Variants in TTLL5 observed in about 807,000 individuals in gnomAD.
TTLL5 encodes tubulin tyrosine ligase like 5, also known as tubulin polyglutamylase TTLL5.
A neutral mutation model predicts 168.4 loss-of-function variants in TTLL5; 132 were observed. That is an observed-to-expected ratio of 0.78 (90% CI 0.68 to 0.91). The LOEUF (loss-of-function observed/expected upper bound fraction) is 0.91, where lower values mean the gene tolerates loss of function less well. TTLL5 is among the 40% of genes least tolerant of loss of function. TTLL5 has a pLI of 0.00. For missense variants in TTLL5, 1,545 were observed against 1,581.5 expected (o/e 0.98, Z 0.39); for synonymous variants, 546 against 558.6 (o/e 0.98, Z 0.32).
chr14:75,891,108 C>G (rs979292525), intron 30 of TTLL5, among the ~76,000 whole-genome samples: 5 of 152,164 alleles, frequency 3.3e-5, no homozygotes, highest in African/African-American at 1.2e-4. Context: ...TGCAATATGA[C>G]CTCTCTCCTG....
intron 26 of TTLL5, among the ~76,000 whole-genome samples, chr14:75,785,294 C>T (rs1176652185): frequency 6.6e-6 from 1 of 151,632 alleles, no homozygotes; most frequent in African/African-American, 2.4e-5. Context: ...ATTCTCTTGC[C>T]TCAGCCTCCC....
At chr14:75,860,018 G>T (rs570825247) in intron 28 of TTLL5, among the ~76,000 whole-genome samples, 1 of 152,296 alleles carries the variant, frequency 6.6e-6, no homozygotes, top group East Asian at 1.9e-4. Context: ...CTGCCTCTTT[G>T]CTAAAAGCCT....
At chr14:75,791,506 T>C (rs1351867635) in intron 26 of TTLL5, among the ~76,000 whole-genome samples, 4 of 152,208 alleles carry the variant, frequency 2.6e-5, no homozygotes, top group African/African-American at 9.7e-5. Flanking sequence ...TCTGGTATTT[T>C]GTTTGTATAT....
chr14:75,777,312 A>G (rs1483246073), intron 23 of TTLL5, among the ~76,000 whole-genome samples: 1 of 152,162 alleles, frequency 6.6e-6, no homozygotes, highest in Non-Finnish European at 1.5e-5. Flanking sequence ...CTGGGTCTGA[A>G]TTTGTCCCTG....
intron 31 of TTLL5, among the ~76,000 whole-genome samples, chr14:75,927,004 G>C (rs1372765159): frequency 6.6e-6 from 1 of 152,220 alleles, no homozygotes; most frequent in African/African-American, 2.4e-5. Flanking sequence ...GAGAAATGGG[G>C]AGTGACTGCT....
intron 13 of TTLL5, among the ~76,000 whole-genome samples, chr14:75,733,445 A>G (rs1488095050): frequency 2.6e-5 from 4 of 151,826 alleles, no homozygotes; most frequent in East Asian, 1.9e-4. Flanking sequence ...AGATTTTGGT[A>G]TAACTTGTAT....
At chr14:75,742,030 A>G (rs1209876972) in intron 15 of TTLL5, among the ~76,000 whole-genome samples, 1 of 152,236 alleles carries the variant, frequency 6.6e-6, no homozygotes, top group African/African-American at 2.4e-5. Flanking sequence ...GGAAGTTCTC[A>G]TTAGATGTCA....
At position 75,670,579 on chromosome 14, in the gene TTLL5, T is replaced by G. The variant is rs184967444; in HGVS notation, c.181+1057T>G. Reference sequence around the variant, plus strand: ...AGTTTCTCCACATCCTCACTAACATTTGATATTTTCTGTTTCTTAGATCAT... The same window carrying G: ...AGTTTCTCCACATCCTCACTAACATGTGATATTTTCTGTTTCTTAGATCAT... On this transcript the variant is annotated intron_variant, in intron 3 of 31. Coordinates refer to ENST00000298832, the MANE Select transcript of TTLL5 (RefSeq NM_015072.5). 4.4e-3 allele frequency among the ~76,000 whole-genome samples: 673 copies of G among 152,332 alleles called. 4 individuals are homozygous for G. Among genetic ancestry groups the G allele is most frequent in the African/African-American group, 0.015 (622 of 41,582 alleles).
intron 18 of TTLL5, among the ~76,000 whole-genome samples, chr14:75,762,125 G>T (rs1241682594): frequency 6.6e-6 from 1 of 152,128 alleles, no homozygotes; most frequent in East Asian, 1.9e-4. Context: ...GCTGGGCGTG[G>T]TGGCTCACAC....
rs539763354 is a variant in TTLL5, at chr14:75,901,113, A to G, written c.3741-1029A>G. Among the ~76,000 whole-genome samples, 218 of 152,358 alleles carry G rather than the reference A, an allele frequency of 1.4e-3. 1 individual carries two copies. Among genetic ancestry groups the G allele is most frequent in the Non-Finnish European group, 1.7e-3 (113 of 68,038 alleles). On this transcript the variant is annotated intron_variant, in intron 30 of 31. Coordinates refer to ENST00000298832, the MANE Select transcript of TTLL5 (RefSeq NM_015072.5). ...TACACATCAACTAAAATCAAGGCAGATAGACCCAACAAAAATATTATATTA... is the reference window on the plus strand; with the variant it reads ...TACACATCAACTAAAATCAAGGCAGGTAGACCCAACAAAAATATTATATTA...
intron 27 of TTLL5, among the ~76,000 whole-genome samples, chr14:75,817,358 A>T (rs956298452): frequency 6.6e-6 from 1 of 152,148 alleles, no homozygotes; most frequent in Non-Finnish European, 1.5e-5. Context: ...TAAGTCATAT[A>T]TGGCCGGTGA....
At chr14:75,773,923 TA>T (rs1234051964) in intron 21 of TTLL5, among the ~76,000 whole-genome samples, 1 of 27,730 alleles carries the variant, frequency 3.6e-5, no homozygotes, top group Admixed American at 6.2e-4. Flanking sequence ...TATATATATA[TA>T]TATAGAGAGA....
intron 31 of TTLL5, among the ~76,000 whole-genome samples, chr14:75,927,842 C>G (rs1027679157): frequency 6.6e-6 from 1 of 152,180 alleles, no homozygotes; most frequent in African/African-American, 2.4e-5. Flanking sequence ...CAGCCTTAAG[C>G]TTCACCTCAT....
intron 26 of TTLL5, among the ~76,000 whole-genome samples, chr14:75,785,839 T>G (rs1451256570): frequency 6.6e-6 from 1 of 152,190 alleles, no homozygotes; most frequent in East Asian, 1.9e-4. Flanking sequence ...TCAAGATTGT[T>G]TAGGCTGTTC....
intron 7 of TTLL5, among the ~76,000 whole-genome samples, chr14:75,703,182 AT>A (rs1191370790): frequency 6.6e-6 from 1 of 152,188 alleles, no homozygotes. Flanking sequence ...AGCAGAACTA[AT>A]GTGAGTGAGT....
Position 75,945,508 on chromosome 14 carries a change from G to C in TTLL5, c.3824-8916G>C, listed in dbSNP as rs2034744504. On this transcript the variant is annotated intron_variant, in intron 31 of 31. Coordinates refer to ENST00000298832, the MANE Select transcript of TTLL5 (RefSeq NM_015072.5). ...TTGACCTCATGATCTGCCCGCCTCA[G>C]CCTCCCAAAGTGCTGGGATTACAGA... Among the ~76,000 whole-genome samples, 3 of 152,060 alleles carry C rather than the reference G, an allele frequency of 2.0e-5. No homozygotes were observed. In the South Asian group the frequency reaches 6.2e-4, roughly 32 times the overall value.
chr14:75,835,377 T>C (rs566389029), intron 28 of TTLL5: 1 of 152,358 alleles, frequency 6.6e-6, no homozygotes, highest in East Asian at 1.9e-4. Flanking sequence ...CATGTGGCTG[T>C]TTTGAGTATT....
At chr14:75,733,203 T>C (rs976299953) in intron 13 of TTLL5, among the ~76,000 whole-genome samples, 3 of 152,230 alleles carry the variant, frequency 2.0e-5, no homozygotes, top group Admixed American at 2.0e-4. Context: ...TCAGATGTTA[T>C]GCAACTTTCG....
chr14:75,745,888 G>A (rs567340645), intron 17 of TTLL5, among the ~76,000 whole-genome samples: 1 of 151,866 alleles, frequency 6.6e-6, no homozygotes, highest in African/African-American at 2.4e-5. Flanking sequence ...ATCTATATGT[G>A]TATCTAAGCA....
Sources: allele counts gnomAD v4.1 joint callset (sites outside exome capture counted in the v4.1 genomes callset), GRCh38; gene constraint gnomAD v4.1.1; transcripts MANE v1.5; gene names NCBI Gene and HGNC (gene_info 2026-07-23, HGNC 2026-07-21).